CLCN3: variants seen among roughly 807,000 people sequenced by gnomAD.
CLCN3 encodes Cl-/H+ antiporter 3.
A neutral mutation model predicts 83.4 loss-of-function variants in CLCN3; 16 were observed. The observed-to-expected ratio is 0.19, with a 90% confidence interval of 0.13 to 0.29. The LOEUF (loss-of-function observed/expected upper bound fraction) is 0.29, where lower values mean the gene tolerates loss of function less well. Among genes scored for constraint, CLCN3 ranks in the 10% least tolerant of loss-of-function variants. The pLI is 1.00. For missense variants in CLCN3, 544 were observed against 1,006.0 expected, an observed-to-expected ratio of 0.54 and a Z score of 6.21; for synonymous variants, 322 against 346.2, an observed-to-expected ratio of 0.93 and a Z score of 0.78.
chr4:169,651,092 A>C (rs968892666), intron 2 of CLCN3, among the ~76,000 whole-genome samples: 3 of 152,160 alleles, frequency 2.0e-5, no homozygotes, highest in Non-Finnish European at 4.4e-5. Flanking sequence ...TTGGAAAGAA[A>C]TCAGCTTAAT....
rs913295512 is a variant in CLCN3 at position 169,694,795 on chromosome 4, C to T, written c.937-817C>T. Among the ~76,000 whole-genome samples the T allele has an allele frequency of 1.1e-4, 16 of 152,140 alleles. 1 individual carries two copies. The South Asian group carries it at 1.5e-3, about 14-fold the overall frequency. On this transcript the variant is annotated intron_variant, in intron 7 of 12. Transcript: ENST00000513761. ...TGGAGGTTGCAGTGAGCTGAGACGA[C>T]GCCATTGCACTCCAGCCTGAGAAAC... is the stretch of plus-strand genomic sequence containing the variant.
At chr4:169,647,637 C>T (rs1330755606) in intron 2 of CLCN3, among the ~76,000 whole-genome samples, 1 of 151,962 alleles carries the variant, frequency 6.6e-6, no homozygotes, top group Admixed American at 6.6e-5. Context: ...AATAATGTAG[C>T]ATGAATTATA....
intron 2 of CLCN3, among the ~76,000 whole-genome samples, chr4:169,643,477 G>A (rs183592813): frequency 5.9e-5 from 9 of 152,044 alleles, no homozygotes; most frequent in South Asian, 2.1e-4. Context: ...TTATCCACCC[G>A]CCTCGGCCTC....
chr4:169,627,550 T>G (rs573936058), intron 1 of CLCN3, among the ~76,000 whole-genome samples: 1 of 152,170 alleles, frequency 6.6e-6, no homozygotes, highest in African/African-American at 2.4e-5. Context: ...GCCTGGTACA[T>G]GCTAAGTGTG....
In CLCN3 at chr4:169,621,046, A is replaced by C. The variant is rs548035257; in HGVS notation, c.-34A>C. 2 of 397,436 alleles carry C rather than the reference A, an allele frequency of 5.0e-6. No individual in the cohort carries two copies. Among genetic ancestry groups the C allele is most frequent in the Non-Finnish European group, 8.9e-6 (2 of 225,912 alleles). The allele number at this position is 397,436 out of a possible 1,614,324, so 24.6% of individuals were successfully genotyped here. On this transcript the variant is annotated 5_prime_UTR_variant, in exon 1 of 13. It removes an upstream start codon present in the reference 5' UTR. Coordinates refer to ENST00000513761, the MANE Select transcript of CLCN3 (RefSeq NM_001829.4). ...GCAAAAAACAGCCACCGATTTTGCT[A>C]TGTCTCTGAGCTGCGAGGTGAGTTG...
Position 169,697,784 on chromosome 4 carries a change from C to T in CLCN3, c.1563+50C>T, listed in dbSNP as rs776902932. The T allele has an allele frequency of 3.3e-6, 4 of 1,225,304 alleles. No individual in the cohort carries two copies. The East Asian group carries it at 9.4e-5, about 29-fold the overall frequency. 75.9% of individuals were successfully genotyped at this position (1,225,304 alleles called of 1,614,324 possible). A position where few individuals can be genotyped will look rare whatever the true frequency, so the allele number is the denominator to read the frequency against. On this transcript the variant is annotated intron_variant, in intron 9 of 12. Transcript: ENST00000513761. ...TTGGGTAATTTTGGCATGTTCAAAA[C>T]TTATATGTGGAATGAGAGAGGTTGT... is the stretch of plus-strand genomic sequence containing the variant.
chr4:169,687,033 C>T (rs2150246087), intron 3 of CLCN3, among the ~76,000 whole-genome samples: 1 of 152,244 alleles, frequency 6.6e-6, no homozygotes, highest in African/African-American at 2.4e-5. Flanking sequence ...CATGATTATT[C>T]TGTAATACAT....
chr4:169,689,298 T>A, intron 5 of CLCN3, 68 bp downstream of exon 5: 1 of 1,337,770 alleles, frequency 7.5e-7, no homozygotes, highest in Non-Finnish European at 1.0e-6. Context: ...TTCATTTAAT[T>A]ATAGAACTAA....
chr4:169,693,943 A>G (rs1732469034), intron 7 of CLCN3, among the ~76,000 whole-genome samples: 1 of 152,098 alleles, frequency 6.6e-6, no homozygotes, highest in Admixed American at 6.6e-5. Flanking sequence ...TGTAGACAAG[A>G]GGGGAGAGCG....
intron 4 of CLCN3, among the ~76,000 whole-genome samples, chr4:169,688,774 T>C (rs1732256721): frequency 6.6e-6 from 1 of 152,222 alleles, no homozygotes; most frequent in Non-Finnish European, 1.5e-5. Context: ...TTTGAAGATA[T>C]TTTAGTATCT....
At chr4:169,718,912 G>A (rs905557240) in intron 12 of CLCN3, among the ~76,000 whole-genome samples, 6 of 152,036 alleles carry the variant, frequency 3.9e-5, no homozygotes, top group African/African-American at 1.4e-4. Context: ...TTTAATGTAA[G>A]CATTAACAAC....
chr4:169,701,017 T>G (rs1732765094), intron 9 of CLCN3, among the ~76,000 whole-genome samples: 1 of 151,984 alleles, frequency 6.6e-6, no homozygotes, highest in Non-Finnish European at 1.5e-5. Context: ...CCGCATTGAT[T>G]GACACTGCCT....
intron 2 of CLCN3, among the ~76,000 whole-genome samples, chr4:169,676,464 A>G (rs558434483): frequency 5.3e-5 from 8 of 151,494 alleles, no homozygotes; most frequent in Non-Finnish European, 1.2e-4. Flanking sequence ...TTGGATTATC[A>G]TATTTCTTAC....
chr4:169,657,725 A>G (rs1296837680), intron 2 of CLCN3, among the ~76,000 whole-genome samples: 1 of 152,114 alleles, frequency 6.6e-6, no homozygotes, highest in Non-Finnish European at 1.5e-5. Flanking sequence ...TCTCCTTTTG[A>G]ATTTTGATGG....
intron 2 of CLCN3, chr4:169,660,005 G>A: frequency 1.1e-6 from 1 of 951,114 alleles, no homozygotes. Flanking sequence ...TTGTTTTACT[G>A]TAGTTACCAC....
At chr4:169,700,221 C>A (rs1235866523) in intron 9 of CLCN3, among the ~76,000 whole-genome samples, 1 of 151,800 alleles carries the variant, frequency 6.6e-6, no homozygotes, top group African/African-American at 2.4e-5. Flanking sequence ...TGGCTCATTT[C>A]ATATTCAGAG....
chr4:169,638,458 GTTAT>G (rs1362438685), intron 2 of CLCN3, among the ~76,000 whole-genome samples: 1 of 150,704 alleles, frequency 6.6e-6, no homozygotes, highest in African/African-American at 2.4e-5. Flanking sequence ...ATATTTTGCT[GTTAT>G]TTGTCATTTG....
At chr4:169,713,521 A>C (rs1429781140) in intron 12 of CLCN3, among the ~76,000 whole-genome samples, 1 of 152,230 alleles carries the variant, frequency 6.6e-6, no homozygotes, top group Non-Finnish European at 1.5e-5. Flanking sequence ...TTTGTAAATA[A>C]TACCTCAAAG....
rs1276011484 is a variant in CLCN3, at chr4:169,656,602, C to T, written c.160+20514C>T. 3.9e-5 allele frequency among the ~76,000 whole-genome samples: 6 copies of T among 152,236 alleles called. No individual in the cohort carries two copies. In the East Asian group the frequency reaches 5.8e-4, roughly 15 times the overall value. ...AACCATACTGATGGATTGTAAACTA[C>T]AGTTTTTAACCTGCTTCTATTAATT... On this transcript the variant is annotated intron_variant, in intron 2 of 12. Coordinates refer to ENST00000513761, the MANE Select transcript of CLCN3 (RefSeq NM_001829.4).
Sources: gnomAD v4.1 joint callset for allele counts (sites outside exome capture counted in the v4.1 genomes callset) on GRCh38, gnomAD v4.1.1 for gene constraint, MANE v1.5 for transcripts, NCBI Gene and HGNC (gene_info 2026-07-23, HGNC 2026-07-21) for gene names.